Variants in GNL2 observed in about 807,000 individuals in gnomAD.
The protein encoded by GNL2 is G protein nucleolar 2.
Under a neutral mutation model 92.3 loss-of-function variants are expected in GNL2, and 51 were observed. The observed-to-expected ratio is 0.55, with a 90% CI of 0.44 to 0.70. The LOEUF (loss-of-function observed/expected upper bound fraction) is 0.70, where lower values mean the gene tolerates loss of function less well. Among genes scored for constraint, GNL2 ranks in the 30% least tolerant of loss-of-function variants. GNL2 has a pLI of 0.00. For synonymous variants in GNL2, 283 were observed against 300.6 expected, an observed-to-expected ratio of 0.94 and a Z score of 0.61; for missense variants, 844 against 895.6, an observed-to-expected ratio of 0.94 and a Z score of 0.74.
At chr1:37,587,266 C>CG in intron 5 of GNL2, 45 bp downstream of exon 5, 1 of 1,155,038 alleles carries the variant, frequency 8.7e-7, no homozygotes, top group Non-Finnish European at 1.2e-6. Context: ...GACTCCATCT[C>CG]AAAAAAAAAA....
chr1:37,585,300 C>T (rs1454187547), intron 5 of GNL2, among the ~76,000 whole-genome samples: 2 of 151,824 alleles, frequency 1.3e-5, no homozygotes, highest in Non-Finnish European at 2.9e-5. Flanking sequence ...CTCAGGTGAT[C>T]CGCCCGCCTC....
In GNL2 at chr1:37,566,979, G is replaced by A. The variant is rs147089521; in HGVS notation, c.2072C>T (p.Pro691Leu). 1.7e-4 allele frequency: 267 copies of A among 1,612,818 alleles called. No homozygotes were observed. Among genetic ancestry groups the A allele is most frequent in the Non-Finnish European group, 2.1e-4 (247 of 1,179,752 alleles). ...ATAGTAGCGCACACCAACTTTTTTC[G>A]GCCGTTGCTGTCGTACTGCTCGCCT... ...ERRRAVRQQR[P>L]KKVGVRYYET... is the part of the protein sequence containing the mutation. Residue 691 changes from proline to leucine, a missense_variant, in exon 16 of 16, where the codon CCG becomes CTG. Physicochemically the swap from Pro to Leu is moderately conservative, Grantham distance 98. Transcript: ENST00000373062.
chr1:37,582,377 A>G (rs777167752), intron 7 of GNL2, 41 bp from the exon 8 acceptor site: 5 of 1,112,844 alleles, frequency 4.5e-6, no homozygotes, highest in East Asian at 2.4e-5. Context: ...ACTGCAGTAC[A>G]TTTATTTACA....
chr1:37,579,497 A>T (rs2148134907), intron 8 of GNL2, among the ~76,000 whole-genome samples: 1 of 151,424 alleles, frequency 6.6e-6, no homozygotes, highest in East Asian at 1.9e-4. Context: ...CAGTGAGCCG[A>T]GATCGCGCCA....
rs749753511 is a variant in GNL2, at chr1:37,583,945, A to C, written c.570-12T>G. ...CTTGAGCTTCATTTCTAAATAAGAA[A>C]GCACCCCAAATGAGCAACTGAAGCA... On this transcript the variant is annotated splice_polypyrimidine_tract_variant and intron_variant, in intron 5 of 15. Transcript: ENST00000373062. 18 of 1,462,918 alleles carry C rather than the reference A, an allele frequency of 1.2e-5. No individual in the cohort carries two copies. Among genetic ancestry groups the C allele is most frequent in the Non-Finnish European group, 1.6e-5 (17 of 1,040,542 alleles). 90.6% of individuals were successfully genotyped at this position (1,462,918 alleles called of 1,614,324 possible).
intron 4 of GNL2, among the ~76,000 whole-genome samples, chr1:37,590,046 T>A (rs752233249): frequency 2.0e-5 from 3 of 152,244 alleles, no homozygotes; most frequent in Admixed American, 6.5e-5. Flanking sequence ...GTGCTCACTA[T>A]GGGCCAAGTG....
chr1:37,590,488 A>C (rs1304115494), intron 4 of GNL2, among the ~76,000 whole-genome samples: 2 of 152,196 alleles, frequency 1.3e-5, no homozygotes, highest in Non-Finnish European at 2.9e-5. Context: ...GCAAGGATTA[A>C]AATTCAGGTC....
In GNL2 at chr1:37,587,484, C is replaced by A. The variant is rs570819842; in HGVS notation, c.396G>T (p.Val132=). The A allele has an allele frequency of 6.2e-7, 1 of 1,608,658 alleles. No individual in the cohort carries two copies. The highest frequency in any genetic ancestry group is 8.5e-7 in the Non-Finnish European group (1 of 1,176,158). The change falls in exon 5 of 16, where the codon GTG becomes GTT. Residue 132 remains valine, a synonymous_variant. Coordinates refer to ENST00000373062, the MANE Select transcript of GNL2 (RefSeq NM_013285.3). Reference sequence around the variant, plus strand: ...CAAAACTTTCAGTATCAAGAATGTGCACCTTCAAGTTCTGAAGAGAAAGGA... The same window carrying A: ...CAAAACTTTCAGTATCAAGAATGTGAACCTTCAAGTTCTGAAGAGAAAGGA... ...HDRIRPHNLK[V]HILDTESFET...
intron 8 of GNL2, among the ~76,000 whole-genome samples, chr1:37,578,301 T>C (rs1336211152): frequency 6.6e-6 from 1 of 152,022 alleles, no homozygotes; most frequent in African/African-American, 2.4e-5. Flanking sequence ...TAACCAGGTC[T>C]GGTGGTGCTT....
rs147384355 is a variant in GNL2, at chr1:37,574,684, C to T, written c.1283G>A (p.Arg428Gln). Residue 428 changes from arginine (R) to glutamine (Q), a missense_variant, in exon 11 of 16, where the codon CGG becomes CAG. Arg to Gln is a conservative substitution (Grantham distance 43). Transcript: ENST00000373062. ...AEDFLEKLAF[R>Q]TGKLLKGGEP... ...GGTCACCTTTAGTAACTTCCCAGTCCGGAAAGCGAGCTTCTCAAGAAAGTC... is the reference window on the plus strand; with the variant it reads ...GGTCACCTTTAGTAACTTCCCAGTCTGGAAAGCGAGCTTCTCAAGAAAGTC... The T allele has an allele frequency of 2.7e-4, 429 of 1,613,804 alleles. 2 individuals are homozygous for T. The highest frequency in any genetic ancestry group is 8.5e-4 in the Middle Eastern group (5 of 5,900).
rs749489903 is a variant in GNL2 at position 37,568,361 on chromosome 1, A to C, written c.1869-4T>G. The C allele has an allele frequency of 6.3e-7, 1 of 1,597,276 alleles. No individual in the cohort carries two copies. Among genetic ancestry groups the C allele is most frequent in the African/African-American group, 1.3e-5 (1 of 74,726 alleles). On this transcript the variant is annotated splice_region_variant and splice_polypyrimidine_tract_variant and intron_variant, in intron 13 of 15. Transcript: ENST00000373062. ...TTCACTCAGTCCCTTGGATATTCTG[A>C]AACAGAAAAGCAAAGTAACATTCCT...
In GNL2 at chr1:37,595,775, C is replaced by T. The variant is rs1643919349; in HGVS notation, c.48G>A (p.Lys16=). 6.2e-7 allele frequency: 1 copy of T among 1,614,084 alleles called. No homozygotes were observed. The highest frequency in any genetic ancestry group is 8.5e-7 in the Non-Finnish European group (1 of 1,180,030). Residue 16 remains lysine, a synonymous_variant, in exon 1 of 16, where the codon AAG becomes AAA. Coordinates refer to ENST00000373062, the MANE Select transcript of GNL2 (RefSeq NM_013285.3). Reference sequence around the variant, plus strand: ...CGCCTGTACCTGGGTTTGTGCTGGCCTTGGACGGGTTGATGGTGCTCCGTC... The same window carrying T: ...CGCCTGTACCTGGGTTTGTGCTGGCTTTGGACGGGTTGATGGTGCTCCGTC... The part of the protein sequence containing the change: ...YKGRSTINPS[K]ASTNPDRVQG...
intron 10 of GNL2, 55 bp from the exon 11 acceptor site, chr1:37,574,878 G>A: frequency 7.8e-7 from 1 of 1,275,600 alleles, no homozygotes; most frequent in Non-Finnish European, 1.1e-6. Context: ...AAGCAGTGAA[G>A]TTCCCAGTGT....
intron 10 of GNL2, 142 bp from the exon 11 acceptor site, chr1:37,574,965 G>C (rs1643655839): frequency 1.6e-6 from 1 of 636,134 alleles, no homozygotes; most frequent in Non-Finnish European, 2.7e-6. Context: ...TCTCTGACGG[G>C]GCTAGACATG....
chr1:37,593,619 G>A (rs934811157), intron 2 of GNL2, 143 bp downstream of exon 2: 5 of 584,308 alleles, frequency 8.6e-6, no homozygotes, highest in African/African-American at 1.9e-5. Context: ...TTATCCTAAC[G>A]ACACTCACGT....
Position 37,582,812 on chromosome 1 carries a change from A to G in GNL2, c.761T>C (p.Leu254Pro). Residue 254 changes from leucine (L) to proline (P), a missense_variant, in exon 7 of 16, where the codon CTT (leucine) becomes CCT (proline). By Grantham distance (98) the Leu-to-Pro change is moderately conservative (BLOSUM62 -3). Coordinates refer to ENST00000373062, the MANE Select transcript of GNL2 (RefSeq NM_013285.3). ...EKPWKHLIFVLNKCDLVPTWA... is the reference protein window; with the variant it reads ...EKPWKHLIFVPNKCDLVPTWA... ...GGTTGGAACAAGGTCACATTTGTTA[A>G]GTACAAAAATGAGGTGTTTCCAAGG... is the stretch of plus-strand genomic sequence containing the variant. 6.2e-7 allele frequency: 1 copy of G among 1,613,844 alleles called. No individual in the cohort carries two copies.
Position 37,587,480 on chromosome 1 carries a change from T to G in GNL2, c.400A>C (p.Ile134Leu). The change falls in exon 5 of 16, where the codon ATT (isoleucine) becomes CTT (leucine). Residue 134 changes from isoleucine to leucine, a missense_variant. Transcript: ENST00000373062. Reference protein sequence around the residue: ...RIRPHNLKVHILDTESFETTF... With the variant: ...RIRPHNLKVHLLDTESFETTF... The stretch of plus-strand genomic sequence containing the variant: ...GTTTCAAAACTTTCAGTATCAAGAA[T>G]GTGCACCTTCAAGTTCTGAAGAGAA... 1 of 1,610,556 alleles carries G rather than the reference T, an allele frequency of 6.2e-7. No individual in the cohort carries two copies. The highest frequency in any genetic ancestry group is 2.2e-5 in the East Asian group (1 of 44,838).
At chr1:37,573,065 A>C (rs1643619115) in intron 12 of GNL2, among the ~76,000 whole-genome samples, 1 of 152,232 alleles carries the variant, frequency 6.6e-6, no homozygotes, top group Non-Finnish European at 1.5e-5. Flanking sequence ...TGTGGCCAAC[A>C]GGAGACACTC....
rs151118840 is a variant in GNL2, at chr1:37,571,423, T to C, written c.1417-2121A>G. 1.8e-3 allele frequency among the ~76,000 whole-genome samples: 276 copies of C among 152,300 alleles called. 6 individuals are homozygous for C. The highest frequency in any genetic ancestry group is 7.5e-4 in the Non-Finnish European group (51 of 68,030). Reference sequence around the variant, plus strand: ...GAATCATAAGGTTTTTGTTTAAGGATTGCTTAAAATGTCTTTTCAGATCCC... The same window carrying C: ...GAATCATAAGGTTTTTGTTTAAGGACTGCTTAAAATGTCTTTTCAGATCCC... On this transcript the variant is annotated intron_variant, in intron 12 of 15. Coordinates refer to ENST00000373062, the MANE Select transcript of GNL2 (RefSeq NM_013285.3).
Sources: allele counts gnomAD v4.1 joint callset (sites outside exome capture counted in the v4.1 genomes callset), GRCh38; gene constraint gnomAD v4.1.1; transcripts MANE v1.5; gene names NCBI Gene and HGNC (gene_info 2026-07-23, HGNC 2026-07-21).